The following GABRG3 variants were observed in gnomAD, a reference collection of about 807,000 sequenced individuals.
The protein encoded by GABRG3 is gamma-aminobutyric acid receptor subunit gamma-3.
GABRG3 carries 25 observed loss-of-function variants against 48.8 expected under a neutral mutation model. That is an observed-to-expected ratio of 0.51 (90% confidence interval 0.37 to 0.72). The LOEUF (loss-of-function observed/expected upper bound fraction) is 0.72. GABRG3 is among the 30% of genes least tolerant of loss of function. The pLI is 0.00. For missense variants in GABRG3, 394 were observed against 577.9 expected (o/e 0.68, Z 3.26); for synonymous variants, 227 against 217.6 (o/e 1.04, Z -0.38).
chr15:27,504,178 G>C (rs909177455), intron 6 of GABRG3, among the ~76,000 whole-genome samples: 5 of 151,864 alleles, frequency 3.3e-5, no homozygotes, highest in African/African-American at 1.2e-4. Context: ...TGTAATTATT[G>C]ACACTTTTGG....
intron 3 of GABRG3, among the ~76,000 whole-genome samples, chr15:27,318,798 C>G (rs988655621): frequency 6.6e-6 from 1 of 152,092 alleles, no homozygotes; most frequent in Non-Finnish European, 1.5e-5. Context: ...CTCTGGGGGT[C>G]TAAGGGTCCA....
chr15:27,454,283 T>C (rs1889196482), intron 5 of GABRG3, among the ~76,000 whole-genome samples: 1 of 152,166 alleles, frequency 6.6e-6, no homozygotes, highest in South Asian at 2.1e-4. Context: ...ATGGATTCTG[T>C]AGTCTGTCCC....
At chr15:27,137,348 C>T (rs1482539271) in intron 3 of GABRG3, among the ~76,000 whole-genome samples, 1 of 152,068 alleles carries the variant, frequency 6.6e-6, no homozygotes, top group African/African-American at 2.4e-5. Flanking sequence ...AATGAAGGCT[C>T]CTGGACAAAC....
chr15:27,045,789 G>A lies in GABRG3; in HGVS notation c.270+18968G>A, dbSNP rs142561047. 2.9e-3 allele frequency among the ~76,000 whole-genome samples: 449 copies of A among 152,308 alleles called. 2 individuals are homozygous for A. The highest frequency in any genetic ancestry group is 0.01 in the African/African-American group (421 of 41,572). On this transcript the variant is annotated intron_variant, in intron 3 of 9. Coordinates refer to ENST00000615808, the MANE Select transcript of GABRG3 (RefSeq NM_033223.5). ...AGGGAACCAAGTGCAGTGAGACAGC[G>A]GTCAATGCCCGTGCCCAGGTCTTTC...
At chr15:27,317,382 G>A (rs1893267321) in intron 3 of GABRG3, among the ~76,000 whole-genome samples, 1 of 152,196 alleles carries the variant, frequency 6.6e-6, no homozygotes, top group South Asian at 2.1e-4. Context: ...TTTTACCAAT[G>A]TAGTCGTGGC....
chr15:27,269,844 A>G (rs1891028239), intron 3 of GABRG3, among the ~76,000 whole-genome samples: 1 of 152,118 alleles, frequency 6.6e-6, no homozygotes, highest in South Asian at 2.1e-4. Context: ...ATATATATCC[A>G]TATCTGTCTA....
intron 3 of GABRG3, among the ~76,000 whole-genome samples, chr15:27,193,673 G>A (rs12101339): frequency 0.045 from 6,893 of 152,234 alleles, 256 homozygotes; most frequent in East Asian, 0.1. Context: ...TGCACTTCCC[G>A]AGTGAGGCAA....
intron 5 of GABRG3, among the ~76,000 whole-genome samples, chr15:27,417,585 C>T (rs1228970441): frequency 6.6e-6 from 1 of 152,202 alleles, no homozygotes; most frequent in East Asian, 1.9e-4. Context: ...CATCGGCCTT[C>T]ACAGTGTGTC....
rs552368827 is a variant in GABRG3, at chr15:27,057,436, A to C, written c.270+30615A>C. 1.6e-4 allele frequency among the ~76,000 whole-genome samples: 24 copies of C among 152,360 alleles called. 1 individual carries two copies. The South Asian group carries it at 2.7e-3, about 17-fold the overall frequency. On this transcript the variant is annotated intron_variant, in intron 3 of 9. Transcript: ENST00000615808. ...TCTGATTTTTAGGAGAAAATGGTAA[A>C]TGACAAGTACAATGCCTGAGATTTA... is the stretch of plus-strand genomic sequence containing the variant.
chr15:27,305,438 A>G (rs1329572560), intron 3 of GABRG3, among the ~76,000 whole-genome samples: 2 of 149,898 alleles, frequency 1.3e-5, no homozygotes, highest in Non-Finnish European at 3.0e-5. Context: ...GTCAACATGT[A>G]AATTCTCCAT....
At chr15:27,328,213 A>G (rs1200224553) in intron 4 of GABRG3, among the ~76,000 whole-genome samples, 1 of 152,082 alleles carries the variant, frequency 6.6e-6, no homozygotes, top group Non-Finnish European at 1.5e-5. Flanking sequence ...TCTCCTCATC[A>G]GTTGTAAAGC....
At position 27,500,951 on chromosome 15, in the gene GABRG3, TG is replaced by T. The variant is rs1371774081; in HGVS notation, c.713-19020del. Reference sequence around the variant, plus strand: ...TCTGAGAAAAATAGGAAGTAACGTATGTTTTTTTTTTTTTTTTTTGAGACGG... The same window carrying T: ...TCTGAGAAAAATAGGAAGTAACGTATTTTTTTTTTTTTTTTTTTGAGACGG... On this transcript the variant is annotated intron_variant, in intron 6 of 9. Transcript: ENST00000615808. Among the ~76,000 whole-genome samples, 111 of 118,076 alleles carry T rather than the reference TG, an allele frequency of 9.4e-4. 1 individual carries two copies. The highest frequency in any genetic ancestry group is 2.7e-3 in the African/African-American group (72 of 26,456). The allele number at this position is 118,076 out of a possible 152,430, so 77.5% of individuals were successfully genotyped here.
At chr15:27,095,775 G>T (rs963394060) in intron 3 of GABRG3, among the ~76,000 whole-genome samples, 4 of 152,076 alleles carry the variant, frequency 2.6e-5, no homozygotes, top group Non-Finnish European at 4.4e-5. Flanking sequence ...GGAGAGACCT[G>T]GTCCGGGAAG....
At chr15:27,199,396 C>T (rs208138) in intron 3 of GABRG3, among the ~76,000 whole-genome samples, 7,707 of 152,074 alleles carry the variant, frequency 0.051, 460 homozygotes, top group African/African-American at 0.14. Flanking sequence ...GAATGTGTTC[C>T]CCACTGGGAG....
chr15:27,029,252 C>G (rs1896037650), intron 3 of GABRG3, among the ~76,000 whole-genome samples: 1 of 152,108 alleles, frequency 6.6e-6, no homozygotes. Context: ...GCACGCAGCC[C>G]TGGGGAAGCC....
intron 3 of GABRG3, chr15:27,160,912 G>C (rs934060780): frequency 6.6e-6 from 1 of 151,504 alleles, no homozygotes; most frequent in African/African-American, 2.4e-5. Context: ...ACTTTGGCTT[G>C]TTAATTTCCT....
chr15:27,515,295 T>C (rs2150860041), intron 6 of GABRG3, among the ~76,000 whole-genome samples: 1 of 152,228 alleles, frequency 6.6e-6, no homozygotes, highest in South Asian at 2.1e-4. Context: ...GGTTTCACCA[T>C]GTTGGCCAGG....
At chr15:27,183,791 A>C (rs889844689) in intron 3 of GABRG3, among the ~76,000 whole-genome samples, 3 of 152,216 alleles carry the variant, frequency 2.0e-5, no homozygotes, top group African/African-American at 4.8e-5. Context: ...CGTATTAATC[A>C]GACAAATTTA....
chr15:27,470,511 G>A (rs1162915924), intron 5 of GABRG3, among the ~76,000 whole-genome samples: 1 of 151,794 alleles, frequency 6.6e-6, no homozygotes, highest in East Asian at 1.9e-4. Context: ...AGGATTACAG[G>A]TGTGAGGGTG....
Sources: gnomAD v4.1 joint callset for allele counts (sites outside exome capture counted in the v4.1 genomes callset) on GRCh38, gnomAD v4.1.1 for gene constraint, MANE v1.5 for transcripts, NCBI Gene and HGNC (gene_info 2026-07-23, HGNC 2026-07-21) for gene names.